Variants in MCF2L2 observed in about 807,000 individuals in gnomAD.
MCF2L2 encodes the protein MCF.2 cell line derived transforming sequence-like 2.
Under a neutral mutation model 150.2 loss-of-function variants are expected in MCF2L2, and 102 were observed. The ratio of observed to expected loss-of-function variants is 0.68; its 90% CI spans 0.58 to 0.80. The LOEUF (loss-of-function observed/expected upper bound fraction) is 0.80, where lower values mean the gene tolerates loss of function less well. MCF2L2 is among the 30% of genes least tolerant of loss of function. The pLI, the probability that MCF2L2 is intolerant of heterozygous loss-of-function variation, is 0.00. For synonymous variants in MCF2L2, 465 were observed against 491.3 expected, an observed-to-expected ratio of 0.95 and a Z score of 0.71; for missense variants, 1,256 against 1,372.8, an observed-to-expected ratio of 0.91 and a Z score of 1.34.
At chr3:183,352,627 C>A (rs1171001696) in intron 3 of MCF2L2, among the ~76,000 whole-genome samples, 3 of 152,188 alleles carry the variant, frequency 2.0e-5, no homozygotes, top group Non-Finnish European at 2.9e-5. Flanking sequence ...TTCCACTGCA[C>A]AGGAAAGCCA....
intron 5 of MCF2L2, among the ~76,000 whole-genome samples, chr3:183,333,623 C>A (rs143092181): frequency 4.4e-4 from 67 of 152,252 alleles, no homozygotes; most frequent in African/African-American, 1.6e-3. Context: ...ACACTGTTCT[C>A]CCCTTGACTT....
At chr3:183,361,082 C>G (rs73062711) in intron 3 of MCF2L2, among the ~76,000 whole-genome samples, 1,416 of 64,018 alleles carry the variant, frequency 0.022, 10 homozygotes, top group African/African-American at 0.043. Flanking sequence ...GAAGAGAAGA[C>G]AAGACAAGAC....
chr3:183,390,992 A>G (rs940338323), intron 1 of MCF2L2, among the ~76,000 whole-genome samples: 16 of 152,236 alleles, frequency 1.1e-4, no homozygotes, highest in Non-Finnish European at 2.1e-4. Context: ...TTAAGGCATG[A>G]ACCAAACAAC....
Position 183,270,107 on chromosome 3 carries a change from A to C in MCF2L2, c.1862+6765T>G. 6.2e-7 allele frequency: 1 copy of C among 1,614,084 alleles called. No individual in the cohort carries two copies. The highest frequency in any genetic ancestry group is 8.5e-7 in the Non-Finnish European group (1 of 1,180,008). ...AAACTGCTCCTGAAAACTATGATCG[A>C]CGTTCCGGAATTAGAAGGACGTGGG... On this transcript the variant is annotated intron_variant, in intron 15 of 29. Coordinates refer to ENST00000328913, the MANE Select transcript of MCF2L2 (RefSeq NM_015078.4). The surrounding 1 kb of genome is among the most constrained non-coding windows in gnomAD (Gnocchi z 4.5).
chr3:183,317,499 A>G (rs1201603202), intron 7 of MCF2L2, among the ~76,000 whole-genome samples: 5 of 152,164 alleles, frequency 3.3e-5, no homozygotes, highest in African/African-American at 1.2e-4. Flanking sequence ...GAATCATTTA[A>G]TAGGTGCCTG....
chr3:183,201,299 T>C (rs988220863), intron 25 of MCF2L2, among the ~76,000 whole-genome samples: 9 of 152,136 alleles, frequency 5.9e-5, no homozygotes, highest in Non-Finnish European at 8.8e-5. Context: ...TCTTTTATTT[T>C]GTTGAGCAGT....
chr3:183,415,931 A>G (rs1339234314), intron 1 of MCF2L2, among the ~76,000 whole-genome samples: 2 of 152,004 alleles, frequency 1.3e-5, no homozygotes, highest in Non-Finnish European at 2.9e-5. Flanking sequence ...TGTTTTCTCT[A>G]TATCTCATAT....
rs373460988 is a variant in MCF2L2 at position 183,231,018 on chromosome 3, C to T, written c.1863-1G>A. 1 of 1,612,382 alleles carries T rather than the reference C, an allele frequency of 6.2e-7. No homozygotes were observed. Among genetic ancestry groups the T allele is most frequent in the Middle Eastern group, 1.6e-4 (1 of 6,062 alleles). ...CTCAAGCAAGTCACGTATAATGCGCCTGAATCACAGCAGCAGGTGGGAGGG... is the reference window on the plus strand; with the variant it reads ...CTCAAGCAAGTCACGTATAATGCGCTTGAATCACAGCAGCAGGTGGGAGGG... On this transcript the variant is annotated splice_acceptor_variant, in intron 15 of 29. Coordinates refer to ENST00000328913, the MANE Select transcript of MCF2L2 (RefSeq NM_015078.4). LOFTEE classifies it high-confidence loss of function.
intron 15 of MCF2L2, among the ~76,000 whole-genome samples, chr3:183,252,465 T>A (rs932518264): frequency 6.6e-6 from 1 of 152,248 alleles, no homozygotes; most frequent in Non-Finnish European, 1.5e-5. Context: ...GAAAGCAATT[T>A]AAAAACTTCC....
intron 1 of MCF2L2, among the ~76,000 whole-genome samples, chr3:183,394,416 C>T (rs1201555939): frequency 6.6e-6 from 1 of 152,214 alleles, no homozygotes; most frequent in African/African-American, 2.4e-5. Context: ...CACCCTCCTA[C>T]CTCCACAACC....
At chr3:183,277,066 A>G (rs915100994) in intron 14 of MCF2L2, 109 bp from the exon 15 acceptor site, 2 of 677,108 alleles carry the variant, frequency 3.0e-6, no homozygotes, top group African/African-American at 3.7e-5. Context: ...TCTCTCGATA[A>G]GCAAAATATC....
chr3:183,406,343 C>A (rs1715042171), intron 1 of MCF2L2, among the ~76,000 whole-genome samples: 1 of 152,182 alleles, frequency 6.6e-6, no homozygotes, highest in African/African-American at 2.4e-5. Flanking sequence ...TTTTTGCCAT[C>A]TGTATATCTT....
intron 3 of MCF2L2, 150 bp from the exon 4 acceptor site, chr3:183,341,780 C>A: frequency 1.7e-6 from 1 of 601,452 alleles, no homozygotes; most frequent in Non-Finnish European, 3.0e-6. Context: ...CTCTCCCAGT[C>A]TAAGCCTGGT....
rs1188186604 is a variant in MCF2L2 at position 183,233,251 on chromosome 3, G to C, written c.1863-2234C>G. ...CTTGTAATCCCAGCTACTTGGGAGG[G>C]TGACGCAGGATAATTACTCGAACCC... On this transcript the variant is annotated intron_variant, in intron 15 of 29. Coordinates refer to ENST00000328913, the MANE Select transcript of MCF2L2 (RefSeq NM_015078.4). Among the ~76,000 whole-genome samples, 11 of 151,848 alleles carry C rather than the reference G, an allele frequency of 7.2e-5. No homozygotes were observed. The South Asian group carries it at 1.9e-3, about 26-fold the overall frequency.
At chr3:183,192,837 C>T (rs761833256) in intron 27 of MCF2L2, 162 bp downstream of exon 27, 41 of 562,950 alleles carry the variant, frequency 7.3e-5, no homozygotes, top group Non-Finnish European at 1.2e-4. Flanking sequence ...AAATGAATAG[C>T]AGGAAATTGA....
chr3:183,352,199 G>A (rs1711521610), intron 3 of MCF2L2, among the ~76,000 whole-genome samples: 1 of 152,148 alleles, frequency 6.6e-6, no homozygotes, highest in African/African-American at 2.4e-5. Flanking sequence ...CATGTTCTAT[G>A]TAGGAGAACT....
chr3:183,415,007 T>G (rs1715514429), intron 1 of MCF2L2, among the ~76,000 whole-genome samples: 2 of 152,244 alleles, frequency 1.3e-5, no homozygotes, highest in African/African-American at 4.8e-5. Context: ...CTTGGAACAC[T>G]TGAGAATATT....
intron 25 of MCF2L2, among the ~76,000 whole-genome samples, chr3:183,200,261 A>G (rs1166275293): frequency 6.6e-6 from 1 of 152,134 alleles, no homozygotes; most frequent in East Asian, 1.9e-4. Context: ...AAGTGTTCCT[A>G]TTTCTCCACA....
intron 14 of MCF2L2, among the ~76,000 whole-genome samples, chr3:183,285,568 CCAG>C (rs1727741815): frequency 6.6e-6 from 1 of 152,162 alleles, no homozygotes; most frequent in African/African-American, 2.4e-5. Flanking sequence ...CACACAGCAC[CCAG>C]TACAATGTCT....
Sources: allele counts gnomAD v4.1 joint callset (sites outside exome capture counted in the v4.1 genomes callset), GRCh38; gene constraint gnomAD v4.1.1; non-coding constraint Gnocchi (gnomAD v3.1); transcripts MANE v1.5; gene names NCBI Gene and HGNC (gene_info 2026-07-23, HGNC 2026-07-21).